Variants in SEZ6L2 observed in about 807,000 individuals in gnomAD.
SEZ6L2 encodes the protein seizure related 6 homolog like 2.
A neutral mutation model predicts 97.0 loss-of-function variants in SEZ6L2; 44 were observed. The observed-to-expected ratio is 0.45, with a 90% CI of 0.36 to 0.58. The LOEUF is 0.58. Among genes scored for constraint, SEZ6L2 ranks in the 20% least tolerant of loss-of-function variants. SEZ6L2 has a pLI of 0.00. For missense variants in SEZ6L2, 1,086 were observed against 1,233.3 expected (o/e 0.88, Z 1.79); for synonymous variants, 543 against 546.1 (o/e 0.99, Z 0.08).
chr16:29,877,300 A>G lies in SEZ6L2; in HGVS notation c.1880T>C (p.Leu627Pro), dbSNP rs1331513074. Residue 627 changes from leucine (L) to proline (P), a missense_variant, in exon 11 of 18, where the codon CTG (leucine) becomes CCG (proline). Physicochemically the swap from Leu to Pro is moderately conservative, Grantham distance 98. Around this residue, in one of 2 missense-constraint regions of SEZ6L2, gnomAD observed 310 missense variants for 438.6 expected, o/e 0.71. Transcript: ENST00000617533. ...GAAGTGCAATACGAAGCCCTGGCCC[A>G]GGCCTGGATTTGGGGGCCCGGGCGG... ...QAPPGPPNPGLGQGFVLHFKE... is the reference protein window; with the variant it reads ...QAPPGPPNPGPGQGFVLHFKE... 1 of 1,608,038 alleles carries G rather than the reference A, an allele frequency of 6.2e-7. No homozygotes were observed. The highest frequency in any genetic ancestry group is 1.3e-5 in the African/African-American group (1 of 74,844).
chr16:29,872,361 C>T, intron 16 of SEZ6L2, 48 bp downstream of exon 16: 2 of 1,604,474 alleles, frequency 1.2e-6, no homozygotes, highest in Non-Finnish European at 1.7e-6. Context: ...CAGTGCCAGG[C>T]TCGCAAGACG....
At chr16:29,879,765 T>G (rs1055437748) in intron 9 of SEZ6L2, 99 bp downstream of exon 9, 30 of 1,087,294 alleles carry the variant, frequency 2.8e-5, no homozygotes, top group Non-Finnish European at 3.6e-5. Context: ...GTGGATGAAG[T>G]CTGGATGTGC....
intron 4 of SEZ6L2, 113 bp from the exon 5 acceptor site, chr16:29,895,573 C>T: frequency 7.1e-7 from 1 of 1,408,868 alleles, no homozygotes; most frequent in Non-Finnish European, 9.7e-7. Flanking sequence ...CACCACGCTG[C>T]TGCCCAAGTT....
At chr16:29,895,136 G>A (rs1037308404) in intron 5 of SEZ6L2, 123 bp downstream of exon 5, 17 of 819,778 alleles carry the variant, frequency 2.1e-5, no homozygotes, top group South Asian at 3.5e-5. Context: ...CTGAGATCAC[G>A]CCACTGACCT....
intron 6 of SEZ6L2, among the ~76,000 whole-genome samples, chr16:29,888,177 G>C (rs560316283): frequency 6.6e-6 from 1 of 152,080 alleles, no homozygotes; most frequent in African/African-American, 2.4e-5. Context: ...AAGACACCAC[G>C]GGATGGGAAT....
rs966509653 is a variant in SEZ6L2 at position 29,877,473 on chromosome 16, G to A, written c.1713-6C>T. 3.8e-6 allele frequency: 6 copies of A among 1,583,686 alleles called. No homozygotes were observed. Among genetic ancestry groups the A allele is most frequent in the Admixed American group, 3.5e-5 (2 of 56,994 alleles). ...CCCCTTCCCGCACATTCAATCTGCA[G>A]GGGGTGAGACCAGGCAATGGGGCGG... On this transcript the variant is annotated splice_polypyrimidine_tract_variant and splice_region_variant and intron_variant, in intron 10 of 17. Coordinates refer to ENST00000617533, the MANE Select transcript of SEZ6L2 (RefSeq NM_001243332.2).
intron 4 of SEZ6L2, 74 bp downstream of exon 4, chr16:29,895,647 C>T (rs2068369120): frequency 1.3e-6 from 2 of 1,532,030 alleles, no homozygotes; most frequent in Non-Finnish European, 1.8e-6. Context: ...GGCTCCCAGG[C>T]CAAACCCGTG....
chr16:29,878,675 C>T (rs2067963429), intron 9 of SEZ6L2, among the ~76,000 whole-genome samples: 1 of 151,378 alleles, frequency 6.6e-6, no homozygotes, highest in South Asian at 2.1e-4. Context: ...AGCTCTGCCT[C>T]CCTGGTTCAC....
intron 8 of SEZ6L2, among the ~76,000 whole-genome samples, chr16:29,881,777 A>G (rs940214499): frequency 4.0e-5 from 6 of 150,606 alleles, no homozygotes; most frequent in Non-Finnish European, 8.9e-5. Flanking sequence ...ACAGGCACCC[A>G]CAACCACCCC....
intron 11 of SEZ6L2, 59 bp downstream of exon 11, chr16:29,877,212 C>T: frequency 6.8e-7 from 1 of 1,469,140 alleles, no homozygotes; most frequent in Non-Finnish European, 9.1e-7. Flanking sequence ...GACCGGCCAC[C>T]TCCCGGGATC....
intron 5 of SEZ6L2, among the ~76,000 whole-genome samples, chr16:29,893,208 C>A (rs1028273396): frequency 1.3e-5 from 2 of 151,796 alleles, no homozygotes; most frequent in African/African-American, 4.8e-5. Flanking sequence ...CTTGTAATCC[C>A]AGCTACTCAG....
rs2150777314 is a variant in SEZ6L2 at position 29,873,289 on chromosome 16, A to G, written c.2439T>C (p.Cys813=). 1 of 1,614,190 alleles carries G rather than the reference A, an allele frequency of 6.2e-7. No homozygotes were observed. Among genetic ancestry groups the G allele is most frequent in the Non-Finnish European group, 8.5e-7 (1 of 1,180,028 alleles). Residue 813 remains cysteine, a synonymous_variant, in exon 14 of 18, where the codon TGT becomes TGC. Coordinates refer to ENST00000617533, the MANE Select transcript of SEZ6L2 (RefSeq NM_001243332.2). This position sits in a 1 kb window ranked among gnomAD's most constrained non-coding sequence, Gnocchi z 4.3. ...FELIGEVTIT[C]VPGHPSQWTS... ...TCCACTGGGAGGGGTGGCCGGGCAC[A>G]CAGGTGATGGTGACCTCGCCGATAA...
At chr16:29,886,486 T>C (rs1340407619) in intron 7 of SEZ6L2, among the ~76,000 whole-genome samples, 1 of 151,004 alleles carries the variant, frequency 6.6e-6, no homozygotes, top group Non-Finnish European at 1.5e-5. Context: ...CCATCCTGGC[T>C]AACACGGTGA....
Position 29,878,296 on chromosome 16 carries a change from T to C in SEZ6L2, c.1703A>G (p.Gln568Arg). 6.3e-7 allele frequency: 1 copy of C among 1,589,770 alleles called. No homozygotes were observed. The highest frequency in any genetic ancestry group is 2.3e-5 in the East Asian group (1 of 43,410). The change falls in exon 10 of 18, where the codon CAA becomes CGA. Residue 568 changes from glutamine to arginine, a missense_variant. This residue lies in a region of SEZ6L2 where 776 missense variants were observed against 794.7 expected (regional missense o/e 0.98). Transcript: ENST00000617533. ...HVQEEKRILL[Q>R]VEILNVREGD... is the part of the protein sequence containing the mutation. ...CAGGACCCAAACATACATCTCAACT[T>C]GGAGCAAGATGCGCTTCTCTTCCTG...
intron 8 of SEZ6L2, among the ~76,000 whole-genome samples, chr16:29,881,141 C>A (rs1596970782): frequency 6.6e-6 from 1 of 152,084 alleles, no homozygotes; most frequent in Non-Finnish European, 1.5e-5. Context: ...AAAAAAAGTT[C>A]TAACACTCCT....
At position 29,876,641 on chromosome 16, in the gene SEZ6L2, G is replaced by A. The variant is rs868439295; in HGVS notation, c.2104+115C>T. On this transcript the variant is annotated intron_variant, in intron 12 of 17. Coordinates refer to ENST00000617533, the MANE Select transcript of SEZ6L2 (RefSeq NM_001243332.2). The surrounding 1 kb of genome is among the most constrained non-coding windows in gnomAD (Gnocchi z 6.5). Reference sequence around the variant, plus strand: ...CAGGCCTTGAAGAAGATCCAGGAAGGACCCCGAGCGAAGGGATGGAACCCA... The same window carrying A: ...CAGGCCTTGAAGAAGATCCAGGAAGAACCCCGAGCGAAGGGATGGAACCCA... The A allele has an allele frequency of 1.0e-4, 96 of 942,438 alleles. No individual in the cohort carries two copies. The African/African-American group carries it at 1.4e-3, about 14-fold the overall frequency. 58.4% of individuals were successfully genotyped at this position (942,438 alleles called of 1,614,324 possible). A position where few individuals can be genotyped will look rare whatever the true frequency, so the allele number is the denominator to read the frequency against.
intron 12 of SEZ6L2, among the ~76,000 whole-genome samples, chr16:29,874,093 G>C (rs2067847540): frequency 6.6e-6 from 1 of 152,172 alleles, no homozygotes; most frequent in African/African-American, 2.4e-5. Flanking sequence ...AGAAGGAAGA[G>C]AGCATGAATT....
chr16:29,899,023 G>C lies in SEZ6L2; in HGVS notation c.-4C>G, dbSNP rs1249623401. The C allele has an allele frequency of 5.6e-6, 9 of 1,605,258 alleles. No individual in the cohort carries two copies. The highest frequency in any genetic ancestry group is 7.6e-6 in the Non-Finnish European group (9 of 1,176,812). The stretch of plus-strand genomic sequence containing the variant: ...GCTGGGCCCTGGGAGTCCCCATGGC[G>C]ACTCACCCCGATCTCTCTCCTCTGT... On this transcript the variant is annotated 5_prime_UTR_variant, in exon 1 of 18. Coordinates refer to ENST00000617533, the MANE Select transcript of SEZ6L2 (RefSeq NM_001243332.2).
At chr16:29,889,841 T>G (rs1366673670) in intron 5 of SEZ6L2, among the ~76,000 whole-genome samples, 2 of 151,616 alleles carry the variant, frequency 1.3e-5, no homozygotes, top group African/African-American at 4.8e-5. Context: ...TTGCCCAGGC[T>G]GGTCTTGAAC....
Sources: allele counts gnomAD v4.1 joint callset (sites outside exome capture counted in the v4.1 genomes callset), GRCh38; gene constraint gnomAD v4.1.1; regional missense constraint gnomAD v4.1.1; non-coding constraint Gnocchi (gnomAD v3.1); transcripts MANE v1.5; gene names NCBI Gene and HGNC (gene_info 2026-07-23, HGNC 2026-07-21).